Variants in PRH1 observed in about 807,000 individuals in gnomAD.
The protein encoded by PRH1 is salivary acidic proline-rich phosphoprotein 1/2.
In PRH1, 7 loss-of-function variants were observed where a neutral mutation model predicts 7.9. The observed-to-expected ratio is 0.89, with a 90% CI of 0.50 to 1.67. The LOEUF is 1.67. PRH1 is among the 40% of genes most tolerant of loss of function. PRH1 has a pLI of 0.00. For synonymous variants in PRH1, 45 were observed against 80.8 expected, an observed-to-expected ratio of 0.56 and a Z score of 2.38; for missense variants, 109 against 223.6, an observed-to-expected ratio of 0.49 and a Z score of 3.27.
At chr12:11,133,860 C>A (rs756309845) in intron 1 of PRH1, 1 of 1,604,622 alleles carries the variant, frequency 6.2e-7, no homozygotes, top group Non-Finnish European at 8.5e-7. Flanking sequence ...ATCACCAGAA[C>A]AACACTCTTA....
intron 2 of PRH1, chr12:10,930,713 T>A (rs758003134): frequency 6.2e-7 from 1 of 1,613,678 alleles, no homozygotes; most frequent in East Asian, 2.2e-5. Flanking sequence ...GGACCACCTT[T>A]GGGAGGACAG....
At chr12:11,106,566 T>C (rs531704865) in intron 1 of PRH1, among the ~76,000 whole-genome samples, 2 of 152,192 alleles carry the variant, frequency 1.3e-5, no homozygotes, top group African/African-American at 2.4e-5. Context: ...ACGTTTTCCA[T>C]TGAAGAGTCT....
At chr12:11,073,842 C>A (rs1472074551) in intron 1 of PRH1, among the ~76,000 whole-genome samples, 7 of 152,248 alleles carry the variant, frequency 4.6e-5, no homozygotes, top group Non-Finnish European at 1.0e-4. Flanking sequence ...AGAAAGCAAA[C>A]CCCTAGGGAA....
chr12:10,923,128 C>CT (rs773305258), intron 2 of PRH1, among the ~76,000 whole-genome samples: 4,632 of 137,250 alleles, frequency 0.034, 202 homozygotes, highest in African/African-American at 0.099. Context: ...GCGCCCGGCC[C>CT]TTTTTTTTTT....
intron 1 of PRH1, among the ~76,000 whole-genome samples, chr12:11,056,133 T>C (rs1943353602): frequency 6.6e-6 from 1 of 152,218 alleles, no homozygotes; most frequent in South Asian, 2.1e-4. Flanking sequence ...TTATCAAACT[T>C]AGCCTCTCAT....
At chr12:11,071,720 TG>T (rs1157282037) in intron 1 of PRH1, among the ~76,000 whole-genome samples, 2 of 119,508 alleles carry the variant, frequency 1.7e-5, no homozygotes, top group Non-Finnish European at 4.0e-5. Flanking sequence ...CCTTAGAGTC[TG>T]TTAAGTGGCC....
At chr12:11,046,869 A>G (rs1015526146) in intron 1 of PRH1, 1 of 303,894 alleles carries the variant, frequency 3.3e-6, no homozygotes, top group Non-Finnish European at 7.5e-6. Flanking sequence ...CAGATTCTGA[A>G]TTATAGAGAA....
At chr12:10,956,414 A>G (rs1323548801) in intron 2 of PRH1, among the ~76,000 whole-genome samples, 1 of 152,216 alleles carries the variant, frequency 6.6e-6, no homozygotes, top group East Asian at 1.9e-4. Context: ...CATTGAAGAT[A>G]TATACTTCAC....
intron 1 of PRH1, among the ~76,000 whole-genome samples, chr12:11,066,561 T>G (rs77909008): frequency 4.7e-5 from 4 of 85,212 alleles, no homozygotes; most frequent in Admixed American, 1.2e-4. Flanking sequence ...CCCACAATGA[T>G]GGTCTTTTAA....
At chr12:10,934,394 C>T (rs1950257305) in intron 2 of PRH1, among the ~76,000 whole-genome samples, 2 of 152,160 alleles carry the variant, frequency 1.3e-5, no homozygotes, top group Non-Finnish European at 2.9e-5. Flanking sequence ...ATCTCTTTCA[C>T]ATCTTGACCC....
At chr12:11,060,942 G>A (rs1041779957) in intron 1 of PRH1, among the ~76,000 whole-genome samples, 8 of 152,246 alleles carry the variant, frequency 5.3e-5, no homozygotes, top group Admixed American at 1.3e-4. Context: ...ATATTTGTGT[G>A]GTTCAAATAA....
intron 1 of PRH1, among the ~76,000 whole-genome samples, chr12:11,103,128 T>A (rs1018344018): frequency 1.3e-5 from 2 of 152,148 alleles, no homozygotes; most frequent in Non-Finnish European, 2.9e-5. Flanking sequence ...TGGAAGACAG[T>A]GTGGCGATTC....
chr12:10,997,232 C>T (rs758551086), intron 1 of PRH1: 40 of 1,613,828 alleles, frequency 2.5e-5, no homozygotes, highest in Non-Finnish European at 3.3e-5. Context: ...ATCTTGAGAT[C>T]CTTTGCCATG....
intron 1 of PRH1, among the ~76,000 whole-genome samples, chr12:11,015,951 G>A (rs928726658): frequency 8.2e-6 from 1 of 121,422 alleles, no homozygotes; most frequent in Non-Finnish European, 1.9e-5. Context: ...TTCTAACTAT[G>A]TGCAGCAAGA....
At position 10,953,578 on chromosome 12, in the gene PRH1, GAA is replaced by G. The variant is rs373567184; in HGVS notation, c.-59+20075_-59+20076del. On this transcript the variant is annotated intron_variant, in intron 2 of 3. Coordinates refer to the PRH1 transcript ENST00000539853. ...AAAAATAAAGAAAAATAATGAAGAA[GAA>G]TGCACAAAACCTCCAAGAAATATAA... is the stretch of plus-strand genomic sequence containing the variant. Among the ~76,000 whole-genome samples, 698 of 152,200 alleles carry G rather than the reference GAA, an allele frequency of 4.6e-3. 4 individuals are homozygous for G. The highest frequency in any genetic ancestry group is 0.016 in the African/African-American group (672 of 41,524).
chr12:11,091,409 A>G (rs200479139), intron 1 of PRH1: 27,789 of 1,027,724 alleles, frequency 0.027, 7,091 homozygotes, highest in Admixed American at 0.057. Context: ...GAATGGGTGG[A>G]TTGAAGGATA....
At chr12:10,941,309 T>C (rs1229667411) in intron 2 of PRH1, among the ~76,000 whole-genome samples, 1 of 152,180 alleles carries the variant, frequency 6.6e-6, no homozygotes, top group African/African-American at 2.4e-5. Context: ...GAACAACAGC[T>C]CTTAGGGAAA....
At chr12:11,066,749 A>G (rs1391146764) in intron 1 of PRH1, among the ~76,000 whole-genome samples, 1 of 151,706 alleles carries the variant, frequency 6.6e-6, no homozygotes, top group East Asian at 1.9e-4. Flanking sequence ...TAGTGAGAGA[A>G]CCCTACTATT....
chr12:10,962,724 G>C (rs1239422766), intron 2 of PRH1, among the ~76,000 whole-genome samples: 1 of 152,144 alleles, frequency 6.6e-6, no homozygotes, highest in Non-Finnish European at 1.5e-5. Flanking sequence ...TGATCTTTTA[G>C]GTCCTGGCAG....
Sources: gnomAD v4.1 joint callset for allele counts (sites outside exome capture counted in the v4.1 genomes callset) on GRCh38, gnomAD v4.1.1 for gene constraint, MANE v1.5 for transcripts, NCBI Gene and HGNC (gene_info 2026-07-23, HGNC 2026-07-21) for gene names.